Variants in DACH2 observed in about 807,000 individuals in gnomAD.
DACH2 encodes dachshund homolog 2.
In DACH2, 17 loss-of-function variants were observed where a neutral mutation model predicts 35.8. The ratio of observed to expected loss-of-function variants is 0.48; its 90% CI spans 0.33 to 0.71. The LOEUF is 0.71. DACH2 is among the 30% of genes least tolerant of loss of function. DACH2 has a pLI of 0.02. For synonymous variants in DACH2, 195 were observed against 177.3 expected, an observed-to-expected ratio of 1.10 and a Z score of -0.79; for missense variants, 469 against 472.7, an observed-to-expected ratio of 0.99 and a Z score of 0.07.
At chrX:86,456,574 A>G (rs1415725593) in intron 2 of DACH2, among the ~76,000 whole-genome samples, 1 of 111,344 alleles carries the variant, frequency 9.0e-6, no homozygotes, top group Non-Finnish European at 1.9e-5. Flanking sequence ...AATCAAGTAC[A>G]TTGTTATTAT....
chrX:86,248,446 G>A (rs142320528), intron 1 of DACH2, among the ~76,000 whole-genome samples: 1,409 of 110,840 alleles, frequency 0.013, 27 homozygotes, highest in African/African-American at 0.044. Flanking sequence ...ATTTACAATA[G>A]CCATAAAGAA....
chrX:86,680,935 C>T (rs368424064), intron 4 of DACH2, among the ~76,000 whole-genome samples: 1 of 110,904 alleles, frequency 9.0e-6, no homozygotes, highest in East Asian at 2.8e-4. Context: ...GGTGTCAGTC[C>T]TTGCATCCAG....
At chrX:86,719,955 T>G (rs78716981) in intron 6 of DACH2, among the ~76,000 whole-genome samples, 1 of 102,303 alleles carries the variant, frequency 9.8e-6, no homozygotes, top group Non-Finnish European at 2.0e-5. Flanking sequence ...TTTTTTTTTT[T>G]TTAGATGGAG....
At chrX:86,298,746 A>C (rs1327150405) in intron 1 of DACH2, among the ~76,000 whole-genome samples, 1 of 112,283 alleles carries the variant, frequency 8.9e-6, no homozygotes, top group Non-Finnish European at 1.9e-5. Context: ...TTATTTTTAC[A>C]AAAAAGGTTT....
intron 1 of DACH2, among the ~76,000 whole-genome samples, chrX:86,258,976 C>A (rs2033575835): frequency 9.0e-6 from 1 of 111,334 alleles, no homozygotes; most frequent in African/African-American, 3.3e-5. Context: ...TGTCATGTAA[C>A]CTTTTGGGAT....
intron 2 of DACH2, among the ~76,000 whole-genome samples, chrX:86,406,076 A>T (rs369289028): frequency 1.8e-5 from 2 of 111,892 alleles, no homozygotes; most frequent in East Asian, 5.6e-4. Flanking sequence ...GGATTGTGGG[A>T]ACTACAATTC....
At chrX:86,481,023 A>G (rs190518851) in intron 2 of DACH2, 5 of 111,864 alleles carry the variant, frequency 4.5e-5, no homozygotes, top group Non-Finnish European at 5.6e-5. Flanking sequence ...GTTAGTTTTT[A>G]TTATGGGATT....
intron 2 of DACH2, among the ~76,000 whole-genome samples, chrX:86,446,902 G>T (rs1343573924): frequency 2.1e-5 from 2 of 94,145 alleles, no homozygotes; most frequent in African/African-American, 7.8e-5. Context: ...CTAGTTTACA[G>T]TCCCACCAAC....
At chrX:86,595,548 A>G in intron 3 of DACH2, among the ~76,000 whole-genome samples, 1 of 111,165 alleles carries the variant, frequency 9.0e-6, no homozygotes, top group East Asian at 2.8e-4. Context: ...TCTTTTCTTA[A>G]ATCCACTGTG....
intron 1 of DACH2, among the ~76,000 whole-genome samples, chrX:86,340,209 G>A (rs2035389763): frequency 9.0e-6 from 1 of 111,175 alleles, no homozygotes; most frequent in South Asian, 3.8e-4. Flanking sequence ...ACAAATTAAA[G>A]GTTTGTGGCA....
chrX:86,594,581 G>A (rs982629818), intron 3 of DACH2, among the ~76,000 whole-genome samples: 7 of 110,343 alleles, frequency 6.3e-5, no homozygotes, highest in African/African-American at 1.3e-4. Context: ...TTCCATAAAC[G>A]TGTTATGTAG....
chrX:86,404,453 C>T (rs904333903), intron 2 of DACH2, among the ~76,000 whole-genome samples: 1 of 111,927 alleles, frequency 8.9e-6, no homozygotes, highest in African/African-American at 3.3e-5. Context: ...GTCCAAAATC[C>T]AATAGGGCAG....
chrX:86,403,126 C>T (rs1483088777), intron 2 of DACH2, among the ~76,000 whole-genome samples: 1 of 111,887 alleles, frequency 8.9e-6, no homozygotes, highest in Non-Finnish European at 1.9e-5. Flanking sequence ...TTGGCCTTGG[C>T]AAAAAACTTT....
intron 3 of DACH2, among the ~76,000 whole-genome samples, chrX:86,648,800 CA>C (rs1257044886): frequency 2.7e-5 from 3 of 110,231 alleles, no homozygotes; most frequent in Non-Finnish European, 5.7e-5. Flanking sequence ...AATAAAAAAT[CA>C]AATAAATTTT....
intron 4 of DACH2, among the ~76,000 whole-genome samples, chrX:86,685,700 A>G (rs986067247): frequency 1.8e-5 from 2 of 111,110 alleles, no homozygotes; most frequent in African/African-American, 6.6e-5. Context: ...TCATGGTGGA[A>G]GGCAAAGGGG....
intron 1 of DACH2, among the ~76,000 whole-genome samples, chrX:86,308,619 G>C (rs1478210083): frequency 1.8e-5 from 2 of 111,824 alleles, no homozygotes; most frequent in Admixed American, 9.5e-5. Context: ...TGAATGAAGG[G>C]GAGGCCGGGT....
chrX:86,646,982 T>A (rs1396018433), intron 3 of DACH2, among the ~76,000 whole-genome samples: 2 of 109,843 alleles, frequency 1.8e-5, no homozygotes, highest in East Asian at 5.6e-4. Flanking sequence ...AGATATCACC[T>A]CACACTTGTT....
At chrX:86,225,966 G>T (rs1428575802) in intron 1 of DACH2, among the ~76,000 whole-genome samples, 1 of 111,275 alleles carries the variant, frequency 9.0e-6, no homozygotes, top group Admixed American at 9.6e-5. Context: ...CAAAGATTTG[G>T]ATTCTCAAAT....
intron 1 of DACH2, among the ~76,000 whole-genome samples, chrX:86,220,252 G>T (rs1015534539): frequency 9.2e-5 from 10 of 109,018 alleles, no homozygotes; most frequent in Non-Finnish European, 1.7e-4. Context: ...CATGATATCT[G>T]CCATCTTACA....
Sources: gnomAD v4.1 joint callset for allele counts (sites outside exome capture counted in the v4.1 genomes callset) on GRCh38, gnomAD v4.1.1 for gene constraint, MANE v1.5 for transcripts, NCBI Gene and HGNC (gene_info 2026-07-23, HGNC 2026-07-21) for gene names.